PPARGC1A: variants seen among roughly 807,000 people sequenced by gnomAD.
PPARGC1A encodes peroxisome proliferator-activated receptor gamma coactivator 1-alpha.
A neutral mutation model predicts 88.7 loss-of-function variants in PPARGC1A; 25 were observed. The observed-to-expected ratio is 0.28, with a 90% CI of 0.21 to 0.39. PPARGC1A has a LOEUF of 0.39. PPARGC1A is among the 10% of genes least tolerant of loss of function. The probability of loss-of-function intolerance (pLI) is 1.00; values close to 1 mark genes in which losing one functional copy is unlikely to be tolerated. For missense variants in PPARGC1A, 880 were observed against 968.7 expected, an observed-to-expected ratio of 0.91 and a Z score of 1.22; for synonymous variants, 363 against 355.6, an observed-to-expected ratio of 1.02 and a Z score of -0.24.
At chr4:23,992,038 CT>C in the PPARGC1A span, among the ~76,000 whole-genome samples, 40 of 150,964 alleles carry the variant, frequency 2.6e-4, no homozygotes, top group East Asian at 7.8e-4. Flanking sequence ...CTTTGGGGTT[CT>C]TTTTTTTTAT....
chr4:24,463,228 G>A, the PPARGC1A span, among the ~76,000 whole-genome samples: 2 of 152,162 alleles, frequency 1.3e-5, no homozygotes, highest in African/African-American at 4.8e-5. Flanking sequence ...TAAAGAAATG[G>A]ATTAATCTTT....
At chr4:24,209,564 C>T in the PPARGC1A span, among the ~76,000 whole-genome samples, 3 of 152,168 alleles carry the variant, frequency 2.0e-5, no homozygotes, top group Admixed American at 2.0e-4. Flanking sequence ...AGTGCTACTG[C>T]TGAGAAGTCC....
chr4:24,422,628 GAAA>G, the PPARGC1A span, among the ~76,000 whole-genome samples: 157 of 116,180 alleles, frequency 1.4e-3, no homozygotes, highest in African/African-American at 4.0e-3. Flanking sequence ...CTTTAAAAAT[GAAA>G]AAAAAAAAAA....
chr4:24,384,512 G>A, the PPARGC1A span, among the ~76,000 whole-genome samples: 2 of 144,598 alleles, frequency 1.4e-5, no homozygotes, highest in African/African-American at 2.6e-5. Context: ...ACACACATAG[G>A]CTCAAAATAA....
At chr4:24,448,824 A>C in the PPARGC1A span, among the ~76,000 whole-genome samples, 1 of 152,186 alleles carries the variant, frequency 6.6e-6, no homozygotes, top group Admixed American at 6.5e-5. Flanking sequence ...TTAGGGAAGA[A>C]GGGAGGCGGG....
chr4:24,281,836 T>C, the PPARGC1A span, among the ~76,000 whole-genome samples: 1 of 152,028 alleles, frequency 6.6e-6, no homozygotes, highest in South Asian at 2.1e-4. Context: ...TAGCACTAAC[T>C]AGGTGCCAGA....
chr4:23,850,976 G>C (rs1394353908), intron 2 of PPARGC1A, among the ~76,000 whole-genome samples: 1 of 152,074 alleles, frequency 6.6e-6, no homozygotes. Flanking sequence ...CTCTTTGGGG[G>C]AAAAAGTAGC....
the PPARGC1A span, among the ~76,000 whole-genome samples, chr4:23,953,009 C>A: frequency 6.6e-6 from 1 of 151,926 alleles, no homozygotes; most frequent in African/African-American, 2.4e-5. Context: ...CCTTTCTTCC[C>A]CTATTGCCTA....
chr4:24,044,733 G>A, the PPARGC1A span, among the ~76,000 whole-genome samples: 1 of 152,116 alleles, frequency 6.6e-6, no homozygotes, highest in Admixed American at 6.6e-5. Context: ...CCAGAGCACA[G>A]GGCACCCAGT....
chr4:24,409,462 A>G, the PPARGC1A span, among the ~76,000 whole-genome samples: 27 of 152,204 alleles, frequency 1.8e-4, no homozygotes, highest in African/African-American at 6.0e-4. Flanking sequence ...AAGTTGCCCA[A>G]TTCCTAAATA....
At chr4:24,014,902 C>T in the PPARGC1A span, among the ~76,000 whole-genome samples, 1 of 152,138 alleles carries the variant, frequency 6.6e-6, no homozygotes, top group Non-Finnish European at 1.5e-5. Flanking sequence ...AAAGTGACAT[C>T]CCATCATATT....
the PPARGC1A span, among the ~76,000 whole-genome samples, chr4:24,442,818 A>G: frequency 7.9e-5 from 12 of 152,338 alleles, 1 homozygote; most frequent in South Asian, 2.3e-3. Context: ...GTTCACTTCT[A>G]TTAAGTAACC....
chr4:24,471,791 G>A, the PPARGC1A span, among the ~76,000 whole-genome samples: 1 of 152,360 alleles, frequency 6.6e-6, no homozygotes, highest in Non-Finnish European at 1.5e-5. The surrounding 1 kb of genome is among the most constrained non-coding windows in gnomAD (Gnocchi z 5.4). Context: ...CAGGGGAGGC[G>A]CGGGGTCAGG....
At chr4:24,367,700 T>C in the PPARGC1A span, among the ~76,000 whole-genome samples, 2 of 152,214 alleles carry the variant, frequency 1.3e-5, no homozygotes, top group Non-Finnish European at 2.9e-5. Flanking sequence ...GGAGTGGGCA[T>C]GTATTACTAT....
the PPARGC1A span, among the ~76,000 whole-genome samples, chr4:24,469,527 T>C: frequency 2.6e-5 from 4 of 152,168 alleles, no homozygotes; most frequent in Non-Finnish European, 5.9e-5. Context: ...ACCACACCAC[T>C]GGAAGAAGAA....
chr4:23,827,318 G>A (rs576872474), intron 5 of PPARGC1A, among the ~76,000 whole-genome samples: 20 of 151,982 alleles, frequency 1.3e-4, no homozygotes, highest in East Asian at 5.8e-4. Context: ...GAAAAAAAGC[G>A]TATTGAATCA....
At chr4:23,997,931 A>G in the PPARGC1A span, among the ~76,000 whole-genome samples, 1 of 152,212 alleles carries the variant, frequency 6.6e-6, no homozygotes. Context: ...ATTTCTCTTT[A>G]TCGTTCCCTG....
At chr4:24,427,041 C>G in the PPARGC1A span, among the ~76,000 whole-genome samples, 1 of 152,138 alleles carries the variant, frequency 6.6e-6, no homozygotes, top group Non-Finnish European at 1.5e-5. Context: ...GATCAAAACA[C>G]TGAGGCACAG....
At chr4:24,208,789 C>T in the PPARGC1A span, among the ~76,000 whole-genome samples, 4 of 150,910 alleles carry the variant, frequency 2.7e-5, no homozygotes, top group Non-Finnish European at 5.9e-5. Context: ...TGTTATTATC[C>T]TCATAATCAA....
Sources: gnomAD v4.1 joint callset for allele counts (sites outside exome capture counted in the v4.1 genomes callset) on GRCh38, gnomAD v4.1.1 for gene constraint, Gnocchi (gnomAD v3.1) non-coding constraint, MANE v1.5 for transcripts, NCBI Gene and HGNC (gene_info 2026-07-23, HGNC 2026-07-21) for gene names.